The following ALOX15 variants were observed in gnomAD, a reference collection of about 807,000 sequenced individuals.
ALOX15 encodes arachidonate 15-lipoxygenase.
ALOX15 carries 68 observed loss-of-function variants against 71.7 expected under a neutral mutation model. The observed-to-expected ratio is 0.95, with a 90% confidence interval of 0.78 to 1.16. The LOEUF is 1.16. ALOX15 is among the 50% of genes most tolerant of loss of function. The probability of loss-of-function intolerance (pLI) is 0.00; values close to 1 mark genes in which losing one functional copy is unlikely to be tolerated. For missense variants in ALOX15, 798 were observed against 818.8 expected (o/e 0.97, Z 0.31); for synonymous variants, 346 against 333.3 (o/e 1.04, Z -0.42).
At position 4,638,901 on chromosome 17, in the gene ALOX15, T is replaced by G. The variant is rs775481147; in HGVS notation, c.491A>C (p.Glu164Ala). 1.2e-6 allele frequency: 2 copies of G among 1,614,168 alleles called. No homozygotes were observed. The highest frequency in any genetic ancestry group is 2.2e-5 in the South Asian group (2 of 91,082). Residue 164 changes from glutamate to alanine, a missense_variant, in exon 4 of 14, where the codon GAG becomes GCG. Physicochemically the swap from Glu to Ala is moderately radical, Grantham distance 107. Transcript: ENST00000293761. ...AACTCTCTTGTCTTCCAGAAATCGCTCATCCACAGGGAGGTCATATAGTTT... is the reference window on the plus strand; with the variant it reads ...AACTCTCTTGTCTTCCAGAAATCGCGCATCCACAGGGAGGTCATATAGTTT... Reference protein sequence around the residue: ...GAKLYDLPVDERFLEDKRVDF... With the variant: ...GAKLYDLPVDARFLEDKRVDF...
rs761838242 is a variant in ALOX15 at position 4,632,045 on chromosome 17, G to A, written c.1653C>T (p.Tyr551=). ...TGCAGGGTGCATTAGGCACCCAAGA[G>A]TACCAGTCCAGCTAAGGAAGGGCAG... The part of the protein sequence containing the change: ...ASVHLGQLDW[Y]SWVPNAPCTM... Residue 551 remains tyrosine (Y), a synonymous_variant, in exon 13 of 14, where the codon TAC becomes TAT. Transcript: ENST00000293761. 1 of 1,611,594 alleles carries A rather than the reference G, an allele frequency of 6.2e-7. No individual in the cohort carries two copies. Among genetic ancestry groups the A allele is most frequent in the Non-Finnish European group, 8.5e-7 (1 of 1,178,622 alleles).
chr17:4,633,467 T>C lies in ALOX15; in HGVS notation c.1195A>G (p.Ile399Val), dbSNP rs370855117. 2 of 1,614,098 alleles carry C rather than the reference T, an allele frequency of 1.2e-6. No individual in the cohort carries two copies. The highest frequency in any genetic ancestry group is 1.7e-5 in the Admixed American group (1 of 60,012). ...AGCCCAGTCCTGGCCCGGACGTTAA[T>C]TTCCAGGGTGTATCGCAGGTGGGGA... Reference protein sequence around the residue: ...IIPHLRYTLEINVRARTGLVS... With the variant: ...IIPHLRYTLEVNVRARTGLVS... The change falls in exon 9 of 14, where the codon ATT (isoleucine) becomes GTT (valine). Residue 399 changes from isoleucine to valine, a missense_variant. Physicochemically the swap from Ile to Val is conservative, Grantham distance 29. Coordinates refer to ENST00000293761, the MANE Select transcript of ALOX15 (RefSeq NM_001140.5).
Position 4,631,697 on chromosome 17 carries a change from G to A in ALOX15, c.1892C>T (p.Ala631Val), listed in dbSNP as rs1211129505. The change falls in exon 14 of 14, where the codon GCT becomes GTT. Residue 631 changes from alanine to valine, a missense_variant. Ala to Val is a moderately conservative substitution (Grantham distance 64). Around this residue, in one of 3 missense-constraint regions of ALOX15, gnomAD observed 490 missense variants for 509.4 expected, o/e 0.96. Coordinates refer to ENST00000293761, the MANE Select transcript of ALOX15 (RefSeq NM_001140.5). ...AVLKKFREEL[A>V]ALDKEIEIRN... ...GATCTCAATTTCCTTATCCAGGGCAGCCAGCTCCTCCCTGAACTTCTTCAG... is the reference window on the plus strand; with the variant it reads ...GATCTCAATTTCCTTATCCAGGGCAACCAGCTCCTCCCTGAACTTCTTCAG... 7 of 1,614,198 alleles carry A rather than the reference G, an allele frequency of 4.3e-6. No homozygotes were observed. In the East Asian group the frequency reaches 8.9e-5, roughly 21 times the overall value.
In ALOX15 at chr17:4,636,028, G is replaced by GC. The variant is rs1357674015; in HGVS notation, c.952-61dup. 26 of 1,542,716 alleles carry GC rather than the reference G, an allele frequency of 1.7e-5. No individual in the cohort carries two copies. The Middle Eastern group carries it at 9.2e-4, about 55-fold the overall frequency. On this transcript the variant is annotated intron_variant, in intron 7 of 13. Coordinates refer to ENST00000293761, the MANE Select transcript of ALOX15 (RefSeq NM_001140.5). ...GAGTGCCAGGCACTCAGCGATTCCCGCCCCCCTTGCATGTTAACCTCACCC... is the reference window on the plus strand; with the variant it reads ...GAGTGCCAGGCACTCAGCGATTCCCGCCCCCCCTTGCATGTTAACCTCACCC...
Position 4,635,985 on chromosome 17 carries a change from T to C in ALOX15, c.952-17A>G, listed in dbSNP as rs757728881. The C allele has an allele frequency of 5.0e-6, 8 of 1,611,968 alleles. No individual in the cohort carries two copies. In the African/African-American group the frequency reaches 5.3e-5, roughly 11 times the overall value. On this transcript the variant is annotated splice_polypyrimidine_tract_variant and intron_variant, in intron 7 of 13. Coordinates refer to ENST00000293761, the MANE Select transcript of ALOX15 (RefSeq NM_001140.5). ...CAGCTGGAGCTGGAGCAGGGACAAG[T>C]GTGGGGAGAGAAGGCATGAGTGCCA... is the stretch of plus-strand genomic sequence containing the variant.
chr17:4,638,547 G>A (rs1185567084), intron 5 of ALOX15, 34 bp downstream of exon 5: 2 of 1,604,760 alleles, frequency 1.2e-6, no homozygotes, highest in Admixed American at 3.3e-5. Flanking sequence ...TGGGATCTGG[G>A]GGGTTGGGAG....
In ALOX15 at chr17:4,641,609, A is replaced by G. The variant is rs13306168; in HGVS notation, c.43T>C (p.Tyr15His). ...TGCACCTGGTTGTTGGAACCGGCATAGAGCGAGGCCCCAGTGGACACGCGG... is the reference window on the plus strand; with the variant it reads ...TGCACCTGGTTGTTGGAACCGGCATGGAGCGAGGCCCCAGTGGACACGCGG... ...RIRVSTGASLYAGSNNQVQLW... is the reference protein window; with the variant it reads ...RIRVSTGASLHAGSNNQVQLW... The change falls in exon 1 of 14, where the codon TAT (tyrosine) becomes CAT (histidine). Residue 15 changes from tyrosine to histidine, a missense_variant. Physicochemically the swap from Tyr to His is moderately conservative, Grantham distance 83. Coordinates refer to ENST00000293761, the MANE Select transcript of ALOX15 (RefSeq NM_001140.5). 8.4e-4 allele frequency: 1,361 copies of G among 1,613,880 alleles called. 19 individuals carry two copies. In the East Asian group the frequency reaches 0.02, roughly 24 times the overall value.
intron 11 of ALOX15, among the ~76,000 whole-genome samples, 172 bp from the exon 12 acceptor site, chr17:4,632,453 G>A (rs11568127): frequency 0.011 from 1,631 of 152,264 alleles, 31 homozygotes; most frequent in African/African-American, 0.037. Context: ...GAGCTCTGCC[G>A]GGAGGGTCCC....
rs1911072624 is a variant in ALOX15 at position 4,635,726 on chromosome 17, T to C, written c.1161+33A>G. 3 of 1,609,360 alleles carry C rather than the reference T, an allele frequency of 1.9e-6. No individual in the cohort carries two copies. In the African/African-American group the frequency reaches 4.0e-5, roughly 22 times the overall value. On this transcript the variant is annotated intron_variant, in intron 8 of 13. Coordinates refer to ENST00000293761, the MANE Select transcript of ALOX15 (RefSeq NM_001140.5). ...GGAACGTGCCCTGGGGCAGAGATAG[T>C]GGCAGGCAAGAGAGAAGGGGATAAG...
At chr17:4,638,131 G>A in intron 6 of ALOX15, 86 bp downstream of exon 6, 1 of 580,100 alleles carries the variant, frequency 1.7e-6, no homozygotes, top group Middle Eastern at 4.6e-4. Flanking sequence ...AGCAAGCCAG[G>A]CCCACAGTGG....
chr17:4,637,407 CA>C, intron 6 of ALOX15, 149 bp from the exon 7 acceptor site: 6 of 956,942 alleles, frequency 6.3e-6, no homozygotes, highest in Non-Finnish European at 2.9e-6. Context: ...TTCCTCATAT[CA>C]TTTTTTTTTT....
At position 4,639,685 on chromosome 17, in the gene ALOX15, C is replaced by T; in HGVS notation, c.136-54G>A. On this transcript the variant is annotated intron_variant, in intron 1 of 13. Coordinates refer to ENST00000293761, the MANE Select transcript of ALOX15 (RefSeq NM_001140.5). ...GGTGGGGCCTGGCGGGAGGGGCACC[C>T]GGCTGAGCCCTGCTCCCTCCAGCGC... 4 of 1,533,548 alleles carry T rather than the reference C, an allele frequency of 2.6e-6. No individual in the cohort carries two copies. In the African/African-American group the frequency reaches 4.1e-5, roughly 16 times the overall value. The allele number at this position is 1,533,548 out of a possible 1,614,324, so 95.0% of individuals were successfully genotyped here.
chr17:4,632,115 A>G (rs1910927780), intron 12 of ALOX15, 59 bp from the exon 13 acceptor site: 17 of 1,612,108 alleles, frequency 1.1e-5, no homozygotes, highest in Admixed American at 1.7e-5. Flanking sequence ...CCCGTGGTCC[A>G]CCTGCACACA....
chr17:4,641,436 C>G, intron 1 of ALOX15, 81 bp downstream of exon 1: 1 of 1,538,798 alleles, frequency 6.5e-7, no homozygotes, highest in Admixed American at 2.0e-5. Flanking sequence ...CAGAGGCCAA[C>G]GGGGGCGCAT....
At position 4,641,639 on chromosome 17, in the gene ALOX15, G is replaced by C. The variant is rs1911339690; in HGVS notation, c.13C>G (p.Arg5Gly). ...GAGGCCCCAGTGGACACGCGGATGC[G>C]GTAGAGACCCATCTTGCTCAAAGAT... MGLYRIRVSTGASLY... is the reference protein window; with the variant it reads MGLYGIRVSTGASLY... The change falls in exon 1 of 14, where the codon CGC (arginine) becomes GGC (glycine). Residue 5 changes from arginine (R) to glycine (G), a missense_variant. By Grantham distance (125) the Arg-to-Gly change is moderately radical (BLOSUM62 -2). This residue lies in a region of ALOX15 where 300 missense variants were observed against 283.1 expected (regional missense o/e 1.06). Transcript: ENST00000293761. 1 of 1,612,822 alleles carries C rather than the reference G, an allele frequency of 6.2e-7. No individual in the cohort carries two copies. Among genetic ancestry groups the C allele is most frequent in the South Asian group, 1.1e-5 (1 of 91,062 alleles).
intron 5 of ALOX15, 99 bp downstream of exon 5, chr17:4,638,482 C>T (rs1471048249): frequency 1.7e-5 from 21 of 1,210,270 alleles, no homozygotes; most frequent in Non-Finnish European, 2.5e-5. Context: ...GGACCCAAGT[C>T]TCTGGTCTCC....
chr17:4,633,355 G>A (rs1434983916), intron 9 of ALOX15, 40 bp from the exon 10 acceptor site: 3 of 1,611,632 alleles, frequency 1.9e-6, no homozygotes, highest in Non-Finnish European at 2.5e-6. Flanking sequence ...GAATCGACCT[G>A]CCCTGAATCC....
chr17:4,639,826 G>T (rs1431346181), intron 1 of ALOX15, 195 bp from the exon 2 acceptor site: 2 of 579,698 alleles, frequency 3.5e-6, no homozygotes, highest in Non-Finnish European at 6.0e-6. Flanking sequence ...CTGAGGGGAC[G>T]GGGACGGCAG....
chr17:4,632,005 G>C lies in ALOX15; in HGVS notation c.1693C>G (p.Pro565Ala). 6.2e-7 allele frequency: 1 copy of C among 1,613,910 alleles called. No individual in the cohort carries two copies. Among genetic ancestry groups the C allele is most frequent in the Non-Finnish European group, 8.5e-7 (1 of 1,179,992 alleles). ...PNAPCTMRLPPPTTKDATLET... is the reference protein window; with the variant it reads ...PNAPCTMRLPAPTTKDATLET... ...AGCGTTGCATCCTTGGTGGTTGGCG[G>C]GGGCAGCCGCATCGTGCAGGGTGCA... The change falls in exon 13 of 14, where the codon CCG becomes GCG. Residue 565 changes from proline (P) to alanine (A), a missense_variant. By Grantham distance (27) the Pro-to-Ala change is conservative (BLOSUM62 -1). Coordinates refer to ENST00000293761, the MANE Select transcript of ALOX15 (RefSeq NM_001140.5).
Sources: gnomAD v4.1 joint callset for allele counts (sites outside exome capture counted in the v4.1 genomes callset) on GRCh38, gnomAD v4.1.1 for gene constraint, gnomAD v4.1.1 regional missense constraint, MANE v1.5 for transcripts, NCBI Gene and HGNC (gene_info 2026-07-23, HGNC 2026-07-21) for gene names.